Variants in STAT6 observed in about 807,000 individuals in gnomAD.
STAT6 encodes the protein signal transducer and activator of transcription 6.
A neutral mutation model predicts 106.3 loss-of-function variants in STAT6; 45 were observed. The ratio of observed to expected loss-of-function variants is 0.42; its 90% CI spans 0.33 to 0.54. The LOEUF (loss-of-function observed/expected upper bound fraction) is 0.54, where lower values mean the gene tolerates loss of function less well. STAT6 is among the 20% of genes least tolerant of loss of function. The pLI is 0.06. For missense variants in STAT6, 797 were observed against 1,062.2 expected, an observed-to-expected ratio of 0.75 and a Z score of 3.47; for synonymous variants, 413 against 413.6, an observed-to-expected ratio of 1.00 and a Z score of 0.02.
At chr12:57,108,700 C>G (rs1297527346) in intron 1 of STAT6, among the ~76,000 whole-genome samples, 1 of 152,004 alleles carries the variant, frequency 6.6e-6, no homozygotes, top group Non-Finnish European at 1.5e-5. Flanking sequence ...ACTTTCCAAA[C>G]TTTTTAAAGC....
intron 11 of STAT6, 200 bp from the exon 12 acceptor site, chr12:57,103,121 G>A: frequency 4.2e-6 from 2 of 474,310 alleles, no homozygotes; most frequent in South Asian, 3.2e-5. Context: ...TCAGCCTCCT[G>A]AATAGCTGGA....
At chr12:57,106,041 G>A in intron 7 of STAT6, 150 bp downstream of exon 7, 5 of 1,352,384 alleles carry the variant, frequency 3.7e-6, no homozygotes, top group Middle Eastern at 2.7e-4. Flanking sequence ...GAACGACAGT[G>A]TGCACAGCCC....
chr12:57,097,530 A>G (rs1013791614), intron 19 of STAT6, among the ~76,000 whole-genome samples: 1 of 152,242 alleles, frequency 6.6e-6, no homozygotes, highest in African/African-American at 2.4e-5. Context: ...ACAGCAGAGA[A>G]GTGACAGTGG....
Position 57,106,971 on chromosome 12 carries a change from G to A in STAT6, c.340-140C>T, listed in dbSNP as rs764900102. 17 of 1,359,136 alleles carry A rather than the reference G, an allele frequency of 1.3e-5. 1 individual carries two copies. Among genetic ancestry groups the A allele is most frequent in the East Asian group, 4.9e-5 (2 of 41,150 alleles). The allele number at this position is 1,359,136 out of a possible 1,614,324, so 84.2% of individuals were successfully genotyped here. On this transcript the variant is annotated intron_variant, in intron 4 of 21. Coordinates refer to ENST00000300134, the MANE Select transcript of STAT6 (RefSeq NM_003153.5). ...GTTCTTCCTGACCTTTTGGAATATC[G>A]TGGAGATAAGACCTTGCTCCTAGCA...
At chr12:57,102,988 T>TCC in intron 11 of STAT6, 67 bp from the exon 12 acceptor site, 1 of 119,252 alleles carries the variant, frequency 8.4e-6, no homozygotes, top group African/African-American at 8.9e-5. Flanking sequence ...TTTTTTTTTT[T>TCC]TTTTTTTTTT....
rs779625240 is a variant in STAT6, at chr12:57,106,763, C to A, written c.408G>T (p.Arg136Ser). Reference protein sequence around the residue: ...EELKFKTGLRRLQHRVGEIHL... With the variant: ...EELKFKTGLRSLQHRVGEIHL... ...GGATCTCCCCTACTCGGTGCTGCAG[C>A]CTCCGCAAGCCTGTCTTAAACTTGA... is the stretch of plus-strand genomic sequence containing the variant. The change falls in exon 5 of 22, where the codon AGG (arginine) becomes AGT (serine). Residue 136 changes from arginine to serine, a missense_variant. Arg to Ser is a moderately radical substitution (Grantham distance 110). Transcript: ENST00000300134. The A allele has an allele frequency of 1.2e-6, 2 of 1,614,088 alleles. No individual in the cohort carries two copies. Among genetic ancestry groups the A allele is most frequent in the Non-Finnish European group, 1.7e-6 (2 of 1,180,030 alleles).
At chr12:57,108,009 G>A (rs962258579) in intron 2 of STAT6, among the ~76,000 whole-genome samples, 154 bp downstream of exon 2, 2 of 152,196 alleles carry the variant, frequency 1.3e-5, no homozygotes, top group Non-Finnish European at 2.9e-5. Context: ...GCCTGGTCTT[G>A]ATGGGGCACA....
intron 4 of STAT6, 21 bp from the exon 5 acceptor site, chr12:57,106,852 C>T: frequency 6.2e-7 from 1 of 1,612,560 alleles, no homozygotes; most frequent in Non-Finnish European, 8.5e-7. Flanking sequence ...AGGACAGATG[C>T]CAAGAAGTGA....
At chr12:57,103,081 A>C (rs1402893339) in intron 11 of STAT6, 160 bp from the exon 12 acceptor site, 1 of 538,890 alleles carries the variant, frequency 1.9e-6, no homozygotes, top group Non-Finnish European at 3.1e-6. Context: ...CTGCAGCCTC[A>C]GCCTTCAGGG....
intron 1 of STAT6, chr12:57,110,221 C>G (rs1008602648): frequency 2.6e-5 from 4 of 152,378 alleles, no homozygotes; most frequent in African/African-American, 7.2e-5. Context: ...TATCCAACCC[C>G]TCTTCTTCCC....
chr12:57,101,862 A>C (rs1257335488), intron 13 of STAT6, among the ~76,000 whole-genome samples: 1 of 136,296 alleles, frequency 7.3e-6, no homozygotes, highest in Non-Finnish European at 1.6e-5. Flanking sequence ...ATGGAGTTTC[A>C]CCATGTTGGC....
At chr12:57,106,161 C>G (rs2136609519) in intron 7 of STAT6, 30 bp downstream of exon 7, 1 of 1,611,886 alleles carries the variant, frequency 6.2e-7, no homozygotes, top group African/African-American at 1.3e-5. Context: ...CCCCAGCTTG[C>G]CCCCTCTTCC....
At chr12:57,107,366 C>T (rs1297937561) in intron 3 of STAT6, 52 bp from the exon 4 acceptor site, 2 of 1,511,730 alleles carry the variant, frequency 1.3e-6, no homozygotes, top group Non-Finnish European at 9.2e-7. Flanking sequence ...CCATGTCCTT[C>T]AATCCCTCCA....
intron 17 of STAT6, 52 bp downstream of exon 17, chr12:57,098,963 C>T (rs996939719): frequency 1.1e-5 from 17 of 1,613,320 alleles, no homozygotes; most frequent in Non-Finnish European, 1.4e-5. Context: ...CTCCTTCCTG[C>T]AGATAAGCAC....
chr12:57,100,722 GAA>G (rs1349534724), intron 13 of STAT6: 2 of 128,434 alleles, frequency 1.6e-5, no homozygotes, highest in African/African-American at 4.2e-5. Flanking sequence ...AAGAAAGAAA[GAA>G]AGAAAGAAAG....
At chr12:57,105,104 A>C (rs2034186299) in intron 9 of STAT6, 47 bp downstream of exon 9, 1 of 1,565,834 alleles carries the variant, frequency 6.4e-7, no homozygotes, top group Non-Finnish European at 8.7e-7. Flanking sequence ...GGCTGCCTCC[A>C]TCACCCTAAC....
rs770178770 is a variant in STAT6 at position 57,096,936 on chromosome 12, G to A, written c.2268C>T (p.Ser756=). 8 of 1,614,140 alleles carry A rather than the reference G, an allele frequency of 5.0e-6. No individual in the cohort carries two copies. In the Admixed American group the frequency reaches 6.7e-5, roughly 13 times the overall value. The change falls in exon 21 of 22, where the codon AGC becomes AGT. Residue 756 remains serine (S), a synonymous_variant. Coordinates refer to ENST00000300134, the MANE Select transcript of STAT6 (RefSeq NM_003153.5). ...PCQPQEHAVS[S]PDPLLCSDVT... is the part of the protein sequence containing the mutation. ...CATCTGAGCAGAGCAGGGGGTCAGG[G>A]CTGGACACAGCATGCTCCTGAGGCT... is the stretch of plus-strand genomic sequence containing the variant.
In STAT6 at chr12:57,099,249, G is replaced by T; in HGVS notation, c.1891+45C>A. On this transcript the variant is annotated intron_variant, in intron 16 of 21. Transcript: ENST00000300134. This position sits in a 1 kb window ranked among gnomAD's most constrained non-coding sequence, Gnocchi z 4.7. ...GAGGAGGGCAGCGGGGAGCAGGGAGGAAGTGGGTGACAGGAAGGAATCAGA... is the reference window on the plus strand; with the variant it reads ...GAGGAGGGCAGCGGGGAGCAGGGAGTAAGTGGGTGACAGGAAGGAATCAGA... 6.2e-7 allele frequency: 1 copy of T among 1,612,712 alleles called. No individual in the cohort carries two copies. The highest frequency in any genetic ancestry group is 1.1e-5 in the South Asian group (1 of 91,010).
rs2034571512 is a variant in STAT6, at chr12:57,111,290, AC to A, written c.-184del. The A allele has an allele frequency of 2.7e-5, 1 of 36,378 alleles. No individual in the cohort carries two copies. The highest frequency in any genetic ancestry group is 7.6e-5 in the Non-Finnish European group (1 of 13,138). 2.3% of individuals were successfully genotyped at this position (36,378 alleles called of 1,614,324 possible). ...AATAAGATAAAGCACACACATACAT[AC>A]ACACACACACACACACACACACACA... is the stretch of plus-strand genomic sequence containing the variant. On this transcript the variant is annotated 5_prime_UTR_variant, in exon 1 of 22. Transcript: ENST00000300134.
Sources: gnomAD v4.1 joint callset for allele counts (sites outside exome capture counted in the v4.1 genomes callset) on GRCh38, gnomAD v4.1.1 for gene constraint, Gnocchi (gnomAD v3.1) non-coding constraint, MANE v1.5 for transcripts, NCBI Gene and HGNC (gene_info 2026-07-23, HGNC 2026-07-21) for gene names.